Variants in DHX32 observed in about 807,000 individuals in gnomAD.
DHX32 encodes the protein DEAH-box helicase 32 (putative).
In DHX32, 51 loss-of-function variants were observed where a neutral mutation model predicts 70.0. That is an observed-to-expected ratio of 0.73 (90% CI 0.58 to 0.92). The LOEUF is 0.92. DHX32 is among the 40% of genes least tolerant of loss of function. DHX32 has a pLI of 0.00. For synonymous variants in DHX32, 310 were observed against 315.3 expected, an observed-to-expected ratio of 0.98 and a Z score of 0.18; for missense variants, 762 against 891.8, an observed-to-expected ratio of 0.85 and a Z score of 1.85.
intron 1 of DHX32, among the ~76,000 whole-genome samples, chr10:125,891,990 G>C (rs1210208848): frequency 2.0e-5 from 3 of 151,828 alleles, no homozygotes; most frequent in African/African-American, 7.3e-5. Flanking sequence ...CTTCATCTCA[G>C]ACTTTTTCCT....
chr10:125,889,173 A>G (rs1944355981), intron 1 of DHX32, among the ~76,000 whole-genome samples: 1 of 152,216 alleles, frequency 6.6e-6, no homozygotes, highest in Non-Finnish European at 1.5e-5. Context: ...CTCACTGCAT[A>G]TATTCAACAC....
In DHX32 at chr10:125,839,046, G is replaced by A; in HGVS notation, c.1836C>T (p.Asn612=). The change falls in exon 9 of 11, where the codon AAC becomes AAT. Residue 612 remains asparagine (N), a synonymous_variant. Transcript: ENST00000284690. ...GAAGAGCTTTCTTTATGTTTAGAGT[G>A]TTTTCCTTGGAGCCAAAAGCAGGTT... ...YAEPAFGSKE[N]TLNIKKALLS... 6.2e-7 allele frequency: 1 copy of A among 1,614,182 alleles called. No homozygotes were observed. The highest frequency in any genetic ancestry group is 1.1e-5 in the South Asian group (1 of 91,080).
At chr10:125,873,426 G>A (rs543649374) in intron 1 of DHX32, among the ~76,000 whole-genome samples, 1 of 152,104 alleles carries the variant, frequency 6.6e-6, no homozygotes, top group Non-Finnish European at 1.5e-5. Flanking sequence ...ACGTCCATCA[G>A]GGCCTGAGTC....
At chr10:125,869,947 A>G (rs1237072494) in intron 1 of DHX32, among the ~76,000 whole-genome samples, 3 of 152,236 alleles carry the variant, frequency 2.0e-5, no homozygotes, top group Non-Finnish European at 2.9e-5. Flanking sequence ...ACCACGGGAA[A>G]ATTACTGCAA....
chr10:125,839,891 C>T (rs529024842), intron 8 of DHX32, among the ~76,000 whole-genome samples: 32 of 152,334 alleles, frequency 2.1e-4, no homozygotes, highest in African/African-American at 6.5e-4. Context: ...GGAGCAACCA[C>T]AGCATGTACT....
intron 2 of DHX32, among the ~76,000 whole-genome samples, chr10:125,864,667 G>T (rs753121395): frequency 6.6e-6 from 1 of 151,864 alleles, no homozygotes; most frequent in Non-Finnish European, 1.5e-5. Context: ...GGTAGCTCAC[G>T]CCTGTAATAC....
chr10:125,851,163 A>T (rs913571244), intron 6 of DHX32, among the ~76,000 whole-genome samples: 1 of 152,246 alleles, frequency 6.6e-6, no homozygotes, highest in Non-Finnish European at 1.5e-5. Flanking sequence ...CTGGATTTGC[A>T]TATTTCAATT....
intron 6 of DHX32, among the ~76,000 whole-genome samples, chr10:125,850,594 AT>A (rs1333984079): frequency 6.6e-6 from 1 of 151,742 alleles, no homozygotes; most frequent in Non-Finnish European, 1.5e-5. Flanking sequence ...ACCTGAGGTG[AT>A]CCACCCACCT....
chr10:125,886,962 T>C (rs1944343919), intron 1 of DHX32, among the ~76,000 whole-genome samples: 1 of 152,298 alleles, frequency 6.6e-6, no homozygotes. Context: ...TCTCTTTACT[T>C]ACACTGTTAT....
chr10:125,842,765 G>A, intron 6 of DHX32: 1 of 920,598 alleles, frequency 1.1e-6, no homozygotes, highest in Non-Finnish European at 1.3e-6. Context: ...AGACAAAGAT[G>A]TTATTTCCCA....
At chr10:125,863,728 C>T (rs61870693) in intron 2 of DHX32, among the ~76,000 whole-genome samples, 65 of 152,106 alleles carry the variant, frequency 4.3e-4, no homozygotes, top group Non-Finnish European at 7.9e-4. Flanking sequence ...GGATTACAGG[C>T]GTGAGCCACC....
At chr10:125,860,462 A>G (rs1203369570) in intron 2 of DHX32, among the ~76,000 whole-genome samples, 4 of 152,212 alleles carry the variant, frequency 2.6e-5, no homozygotes, top group Non-Finnish European at 4.4e-5. Context: ...TAGGACAGAC[A>G]CTATTATTGG....
intron 3 of DHX32, among the ~76,000 whole-genome samples, chr10:125,858,968 C>T (rs1944165228): frequency 1.3e-5 from 2 of 150,836 alleles, no homozygotes; most frequent in Admixed American, 6.6e-5. Flanking sequence ...TGCTTGATTG[C>T]ACATTTCCAG....
chr10:125,843,441 TCAACTAAAAAAATA>T (rs1165969886), intron 6 of DHX32, among the ~76,000 whole-genome samples: 2 of 151,902 alleles, frequency 1.3e-5, no homozygotes, highest in Non-Finnish European at 2.9e-5. Context: ...AAACCCCGTC[TCAACTAAAAAAATA>T]CAAAAAATTA....
At chr10:125,891,823 TTA>T (rs1285657499) in intron 1 of DHX32, among the ~76,000 whole-genome samples, 297 of 152,366 alleles carry the variant, frequency 1.9e-3, no homozygotes, top group African/African-American at 6.9e-3. Context: ...CCACTGGTCT[TTA>T]GTCTCCACGG....
chr10:125,867,779 A>T (rs963847139), intron 1 of DHX32, among the ~76,000 whole-genome samples: 1 of 146,034 alleles, frequency 6.8e-6, no homozygotes, highest in Non-Finnish European at 1.5e-5. Context: ...GAAAAAAAAA[A>T]TACTTTCAAC....
At position 125,845,491 on chromosome 10, in the gene DHX32, C is replaced by G. The variant is rs189580915; in HGVS notation, c.1352-3557G>C. The stretch of plus-strand genomic sequence containing the variant: ...TATGCATAGGAGAGAGAACATCATG[C>G]CTTCTCTTGTCTAAAGTGGACATGT... On this transcript the variant is annotated intron_variant, in intron 6 of 10. Coordinates refer to ENST00000284690, the MANE Select transcript of DHX32 (RefSeq NM_018180.3). 2.0e-5 allele frequency among the ~76,000 whole-genome samples: 3 copies of G among 152,320 alleles called. No individual in the cohort carries two copies. The East Asian group carries it at 5.8e-4, about 29-fold the overall frequency.
At chr10:125,840,079 C>G (rs1854828734) in intron 8 of DHX32, among the ~76,000 whole-genome samples, 1 of 152,232 alleles carries the variant, frequency 6.6e-6, no homozygotes, top group Non-Finnish European at 1.5e-5. Context: ...TTCACACCAT[C>G]TTTCAGAACA....
chr10:125,847,501 A>G (rs1030707117), intron 6 of DHX32, among the ~76,000 whole-genome samples: 24 of 152,330 alleles, frequency 1.6e-4, no homozygotes, highest in Non-Finnish European at 3.4e-4. Flanking sequence ...ATACTCACAT[A>G]GTACCTACTG....
Sources: gnomAD v4.1 joint callset for allele counts (sites outside exome capture counted in the v4.1 genomes callset) on GRCh38, gnomAD v4.1.1 for gene constraint, MANE v1.5 for transcripts, NCBI Gene and HGNC (gene_info 2026-07-23, HGNC 2026-07-21) for gene names.